The following NMNAT3 variants were observed in gnomAD, a reference collection of about 807,000 sequenced individuals.
NMNAT3 encodes nicotinamide nucleotide adenylyltransferase 3.
In NMNAT3, 21 loss-of-function variants were observed where a neutral mutation model predicts 24.8. The observed-to-expected ratio is 0.85, with a 90% CI of 0.60 to 1.22. NMNAT3 has a LOEUF of 1.22. Among genes scored for constraint, NMNAT3 ranks in the 50% most tolerant of loss-of-function variants. The probability of loss-of-function intolerance (pLI) is 0.00; values close to 1 mark genes in which losing one functional copy is unlikely to be tolerated. For missense variants in NMNAT3, 387 were observed against 436.6 expected, an observed-to-expected ratio of 0.89 and a Z score of 1.01; for synonymous variants, 136 against 155.2, an observed-to-expected ratio of 0.88 and a Z score of 0.92.
At chr3:139,568,880 C>T (rs1937608749) in intron 6 of NMNAT3, 1 of 152,180 alleles carries the variant, frequency 6.6e-6, no homozygotes, top group African/African-American at 2.4e-5. Context: ...GAGCTCAGTT[C>T]AATTCCTGGG....
intron 1 of NMNAT3, among the ~76,000 whole-genome samples, chr3:139,638,470 G>A (rs748990378): frequency 6.6e-6 from 1 of 152,176 alleles, no homozygotes; most frequent in Non-Finnish European, 1.5e-5. Flanking sequence ...GCTTCCCTGT[G>A]TATCAGGAAA....
chr3:139,602,096 A>T lies in NMNAT3; in HGVS notation c.110-18888T>A, dbSNP rs187197032. 2.4e-4 allele frequency among the ~76,000 whole-genome samples: 36 copies of T among 152,362 alleles called. 1 individual carries two copies. The highest frequency in any genetic ancestry group is 3.4e-3 in the Middle Eastern group (1 of 294). ...CAAGATATGCGGGGGATTCAATAAAATAGGTCATGGAGTTAAATGCTGTGG... is the reference window on the plus strand; with the variant it reads ...CAAGATATGCGGGGGATTCAATAAATTAGGTCATGGAGTTAAATGCTGTGG... On this transcript the variant is annotated intron_variant, in intron 3 of 6. Coordinates refer to ENST00000643695, the MANE Select transcript of NMNAT3 (RefSeq NM_001320510.2).
At chr3:139,645,839 A>T (rs2056853225) in intron 1 of NMNAT3, among the ~76,000 whole-genome samples, 1 of 152,220 alleles carries the variant, frequency 6.6e-6, no homozygotes, top group African/African-American at 2.4e-5. Flanking sequence ...TGGATAGGCA[A>T]ACTGGCCATT....
At chr3:139,575,824 G>T (rs1160256118) in intron 5 of NMNAT3, 40 of 1,203,878 alleles carry the variant, frequency 3.3e-5, no homozygotes, top group Non-Finnish European at 4.1e-5. Flanking sequence ...AGGAAAGATT[G>T]GAGGGCAACT....
At chr3:139,667,175 T>C (rs776718734) in intron 1 of NMNAT3, among the ~76,000 whole-genome samples, 3 of 152,236 alleles carry the variant, frequency 2.0e-5, no homozygotes, top group Non-Finnish European at 2.9e-5. Flanking sequence ...GGAACTTCCA[T>C]ACTGCTCTTC....
intron 1 of NMNAT3, among the ~76,000 whole-genome samples, chr3:139,654,164 T>C (rs1461249765): frequency 6.6e-6 from 1 of 152,204 alleles, no homozygotes; most frequent in Non-Finnish European, 1.5e-5. Context: ...AGGTACCTGA[T>C]TAGCTGAAAA....
At chr3:139,625,836 G>A (rs2056027173) in intron 3 of NMNAT3, among the ~76,000 whole-genome samples, 1 of 151,994 alleles carries the variant, frequency 6.6e-6, no homozygotes, top group African/African-American at 2.4e-5. Flanking sequence ...GTTTGCTGGT[G>A]GTGAGTTCTT....
intron 6 of NMNAT3, among the ~76,000 whole-genome samples, chr3:139,565,236 TC>T (rs926617631): frequency 8.6e-4 from 131 of 152,334 alleles, no homozygotes; most frequent in African/African-American, 2.9e-3. Context: ...TAAATCTTTG[TC>T]CCAATCTCTA....
intron 4 of NMNAT3, among the ~76,000 whole-genome samples, chr3:139,582,055 C>T (rs1218190660): frequency 1.3e-5 from 2 of 151,106 alleles, no homozygotes; most frequent in Admixed American, 6.6e-5. Context: ...ATTAGCTGGG[C>T]ATAATGGTGT....
chr3:139,591,316 C>T (rs2054161567), intron 3 of NMNAT3, among the ~76,000 whole-genome samples: 1 of 152,216 alleles, frequency 6.6e-6, no homozygotes, highest in East Asian at 1.9e-4. Context: ...TCAGAGGGTC[C>T]TACGCCCACG....
intron 3 of NMNAT3, among the ~76,000 whole-genome samples, chr3:139,617,339 A>G (rs1461773749): frequency 6.6e-6 from 1 of 152,206 alleles, no homozygotes; most frequent in African/African-American, 2.4e-5. Context: ...AGATAAGGTG[A>G]ATGAATGGAG....
chr3:139,592,193 G>T (rs1381367254), intron 3 of NMNAT3, among the ~76,000 whole-genome samples: 6 of 152,210 alleles, frequency 3.9e-5, no homozygotes, highest in Non-Finnish European at 7.4e-5. Context: ...AGGAGCCGAT[G>T]CGATCAAGTG....
At chr3:139,663,785 A>G (rs182137468) in intron 1 of NMNAT3, among the ~76,000 whole-genome samples, 130 of 152,302 alleles carry the variant, frequency 8.5e-4, no homozygotes, top group African/African-American at 3.0e-3. Context: ...CAGCTCAAGT[A>G]CTGCCCGTGA....
intron 5 of NMNAT3, chr3:139,577,692 A>G (rs940270943): frequency 2.6e-5 from 4 of 152,212 alleles, no homozygotes; most frequent in African/African-American, 9.6e-5. Context: ...AATTTTCAAT[A>G]TAAGGGTCTT....
intron 3 of NMNAT3, among the ~76,000 whole-genome samples, chr3:139,585,208 C>T (rs538212593): frequency 3.3e-5 from 5 of 152,124 alleles, no homozygotes; most frequent in Admixed American, 2.6e-4. Flanking sequence ...CCTATAATTG[C>T]GAATTTGTCT....
intron 1 of NMNAT3, among the ~76,000 whole-genome samples, chr3:139,676,147 C>A (rs1192467969): frequency 2.6e-5 from 4 of 152,224 alleles, no homozygotes; most frequent in Admixed American, 6.5e-5. Context: ...TTACCACTCC[C>A]CACAAATGGT....
chr3:139,573,278 AC>A (rs1437836637), intron 6 of NMNAT3, among the ~76,000 whole-genome samples: 3 of 152,300 alleles, frequency 2.0e-5, no homozygotes, highest in Admixed American at 2.0e-4. Context: ...TTTAAAAGAA[AC>A]CCAGCAGCAC....
At chr3:139,632,277 G>T (rs758273153) in intron 2 of NMNAT3, among the ~76,000 whole-genome samples, 36 of 151,970 alleles carry the variant, frequency 2.4e-4, no homozygotes, top group Non-Finnish European at 1.6e-4. Flanking sequence ...CTCCCTGAAG[G>T]CACACAAGAT....
chr3:139,608,882 C>T (rs9834257), intron 3 of NMNAT3, among the ~76,000 whole-genome samples: 4,625 of 152,252 alleles, frequency 0.03, 94 homozygotes, highest in Non-Finnish European at 0.047. Flanking sequence ...ATAACCACAC[C>T]CACTTCTCTC....
Sources: gnomAD v4.1 joint callset for allele counts (sites outside exome capture counted in the v4.1 genomes callset) on GRCh38, gnomAD v4.1.1 for gene constraint, MANE v1.5 for transcripts, NCBI Gene and HGNC (gene_info 2026-07-23, HGNC 2026-07-21) for gene names.